ZAP70: variants seen among roughly 807,000 people sequenced by gnomAD.
ZAP70 encodes zeta chain of T cell receptor associated protein kinase 70.
In ZAP70, 27 loss-of-function variants were observed where a neutral mutation model predicts 65.8. That is an observed-to-expected ratio of 0.41 (90% CI 0.30 to 0.57). The LOEUF (loss-of-function observed/expected upper bound fraction) is 0.57. Among genes scored for constraint, ZAP70 ranks in the 20% least tolerant of loss-of-function variants. ZAP70 has a pLI of 0.28. For missense variants in ZAP70, 696 were observed against 870.5 expected (o/e 0.80, Z 2.52); for synonymous variants, 363 against 360.8 (o/e 1.01, Z -0.07).
intron 2 of ZAP70, among the ~76,000 whole-genome samples, chr2:97,716,926 G>A (rs747880769): frequency 2.0e-5 from 3 of 152,210 alleles, no homozygotes; most frequent in Non-Finnish European, 2.9e-5. Context: ...GAGGTCTGGC[G>A]AGCTTCACTC....
chr2:97,742,469 C>T (rs551368832), downstream of ZAP70, among the ~76,000 whole-genome samples: 1 of 152,260 alleles, frequency 6.6e-6, no homozygotes, highest in Non-Finnish European at 1.5e-5. Flanking sequence ...CCATCCTCTG[C>T]TCTGAGCAAA....
intron 2 of ZAP70, among the ~76,000 whole-genome samples, chr2:97,721,229 C>T (rs909655288): frequency 1.3e-5 from 2 of 152,194 alleles, no homozygotes; most frequent in African/African-American, 4.8e-5. Context: ...AGTTGATCAA[C>T]ACTGCGGAGT....
At chr2:97,740,213 C>G (rs1478343230), downstream of ZAP70, among the ~76,000 whole-genome samples, 1 of 152,100 alleles carries the variant, frequency 6.6e-6, no homozygotes. Flanking sequence ...GGTCTTCACC[C>G]CCCCAGGGGT....
In ZAP70 at chr2:97,724,050, C is replaced by A. The variant is rs1458452246; in HGVS notation, c.14C>A (p.Ala5Glu). The change falls in exon 3 of 14, where the codon GCG (alanine) becomes GAG (glutamate). Residue 5 changes from alanine to glutamate, a missense_variant. Around this residue, in one of 3 missense-constraint regions of ZAP70, gnomAD observed 551 missense variants for 630.0 expected, o/e 0.87. Transcript: ENST00000264972. The part of the protein sequence containing the change: MPDP[A>E]AHLPFFYGSI... The stretch of plus-strand genomic sequence containing the variant: ...GGCCCAGGGGCGATGCCAGACCCCG[C>A]GGCGCACCTGCCCTTCTTCTACGGC... The A allele has an allele frequency of 3.9e-6, 6 of 1,553,168 alleles. No individual in the cohort carries two copies. Among genetic ancestry groups the A allele is most frequent in the Non-Finnish European group, 5.2e-6 (6 of 1,155,376 alleles).
the ZAP70 span, among the ~76,000 whole-genome samples, chr2:97,755,607 A>G: frequency 6.6e-6 from 1 of 152,032 alleles, no homozygotes; most frequent in Non-Finnish European, 1.5e-5. Flanking sequence ...TCTCCAAGCC[A>G]TCATTTAGAA....
At chr2:97,734,744 G>C (rs200487627) in intron 9 of ZAP70, 32 bp downstream of exon 9, 4 of 1,610,212 alleles carry the variant, frequency 2.5e-6, no homozygotes, top group Non-Finnish European at 3.4e-6. Flanking sequence ...TGGGAGCACC[G>C]CCGCCTGGGG....
chr2:97,735,127 G>A (rs1313401275), intron 9 of ZAP70, 123 bp from the exon 10 acceptor site: 2 of 1,218,726 alleles, frequency 1.6e-6, no homozygotes, highest in Non-Finnish European at 2.3e-6. Flanking sequence ...GTCCCAGCCT[G>A]GGTGGCGACT....
intron 2 of ZAP70, among the ~76,000 whole-genome samples, chr2:97,722,105 A>G (rs1677186034): frequency 6.8e-6 from 1 of 146,294 alleles, no homozygotes; most frequent in African/African-American, 2.6e-5. Context: ...TTAAAGACAG[A>G]GTTTCGCGCT....
At chr2:97,749,004 CTTTTT>C in the ZAP70 span, among the ~76,000 whole-genome samples, 20 of 114,992 alleles carry the variant, frequency 1.7e-4, 1 homozygote, top group East Asian at 5.5e-3. Context: ...TGACACTTCC[CTTTTT>C]TTTTTTTTTT....
In ZAP70 at chr2:97,715,466, C is replaced by G. The variant is rs116451256; in HGVS notation, c.-22+1472C>G. 6.6e-6 allele frequency among the ~76,000 whole-genome samples: 1 copy of G among 152,150 alleles called. No individual in the cohort carries two copies. Among genetic ancestry groups the G allele is most frequent in the Non-Finnish European group, 1.5e-5 (1 of 68,038 alleles). On this transcript the variant is annotated intron_variant, in intron 2 of 13. Coordinates refer to ENST00000264972, the MANE Select transcript of ZAP70 (RefSeq NM_001079.4). This position sits in a 1 kb window ranked among gnomAD's most constrained non-coding sequence, Gnocchi z 4.1. ...CAGAGCCTGAGGCCCAGAGAGGGAC[C>G]GCTGCTTGCTGAGGTCACACAGGCA...
At chr2:97,751,773 G>A in the ZAP70 span, among the ~76,000 whole-genome samples, 1 of 152,204 alleles carries the variant, frequency 6.6e-6, no homozygotes, top group Non-Finnish European at 1.5e-5. Context: ...TGGAGGTGAA[G>A]GAGAGCCCCG....
chr2:97,733,069 G>A (rs1385569594), intron 5 of ZAP70, 48 bp downstream of exon 5: 11 of 1,613,908 alleles, frequency 6.8e-6, no homozygotes, highest in African/African-American at 1.3e-5. Context: ...GCTCAGATGG[G>A]GTGCCGGGCT....
chr2:97,749,739 A>C, the ZAP70 span, among the ~76,000 whole-genome samples: 1 of 152,188 alleles, frequency 6.6e-6, no homozygotes, highest in African/African-American at 2.4e-5. Context: ...TCCCTCTAAG[A>C]ACCTTGTCCC....
chr2:97,741,712 G>A (rs558037882), downstream of ZAP70, among the ~76,000 whole-genome samples: 1 of 152,368 alleles, frequency 6.6e-6, no homozygotes, highest in East Asian at 1.9e-4. Context: ...ACAATTCTTA[G>A]AAAGGTTTTC....
intron 4 of ZAP70, among the ~76,000 whole-genome samples, chr2:97,728,999 C>G (rs766053544): frequency 6.6e-6 from 1 of 152,214 alleles, no homozygotes; most frequent in African/African-American, 2.4e-5. Flanking sequence ...GTGATCCACC[C>G]GCCTTGGCCT....
At chr2:97,741,439 G>A (rs74443603), downstream of ZAP70, among the ~76,000 whole-genome samples, 665 of 150,280 alleles carry the variant, frequency 4.4e-3, 15 homozygotes, top group East Asian at 0.066. Flanking sequence ...CCGTCCCCCG[G>A]GGTGATGTCC....
In ZAP70 at chr2:97,733,295, AG is replaced by A; in HGVS notation, c.793del. ...CCCTCACTGTCCCTTCTGCTCCCCC[AG>A]GGGCTGCTGCTCCCACACTCCCAGC... On this transcript the variant is annotated splice_acceptor_variant, in intron 6 of 13. Transcript: ENST00000264972. LOFTEE classifies it high-confidence loss of function. 1.9e-6 allele frequency: 3 copies of A among 1,604,436 alleles called. No homozygotes were observed. The highest frequency in any genetic ancestry group is 2.6e-6 in the Non-Finnish European group (3 of 1,174,652).
In ZAP70 at chr2:97,739,608, G is replaced by A; in HGVS notation, c.*110G>A. On this transcript the variant is annotated 3_prime_UTR_variant, in exon 14 of 14. Coordinates refer to ENST00000264972, the MANE Select transcript of ZAP70 (RefSeq NM_001079.4). The stretch of plus-strand genomic sequence containing the variant: ...GCTTGGTTGTCTCCACACACAGCTG[G>A]GCTGTGGTAGGGGGTGTCTCAGGCC... 1 of 1,464,420 alleles carries A rather than the reference G, an allele frequency of 6.8e-7. No homozygotes were observed. The highest frequency in any genetic ancestry group is 9.2e-7 in the Non-Finnish European group (1 of 1,088,112). The allele number at this position is 1,464,420 out of a possible 1,614,324, so 90.7% of individuals were successfully genotyped here.
chr2:97,726,008 C>T (rs148651822), intron 4 of ZAP70, among the ~76,000 whole-genome samples: 2 of 152,078 alleles, frequency 1.3e-5, no homozygotes, highest in East Asian at 1.9e-4. Flanking sequence ...GTGGGATCCC[C>T]GGGAGAGTGT....
Sources: allele counts gnomAD v4.1 joint callset (sites outside exome capture counted in the v4.1 genomes callset), GRCh38; gene constraint gnomAD v4.1.1; regional missense constraint gnomAD v4.1.1; non-coding constraint Gnocchi (gnomAD v3.1); transcripts MANE v1.5; gene names NCBI Gene and HGNC (gene_info 2026-07-23, HGNC 2026-07-21).